PRR27: variants seen among roughly 807,000 people sequenced by gnomAD.
PRR27 encodes proline-rich protein 27.
Under a neutral mutation model 16.8 loss-of-function variants are expected in PRR27, and 12 were observed. The observed-to-expected ratio is 0.71, with a 90% CI of 0.46 to 1.16. The LOEUF (loss-of-function observed/expected upper bound fraction) is 1.16, where lower values mean the gene tolerates loss of function less well. Among genes scored for constraint, PRR27 ranks in the 50% most tolerant of loss-of-function variants. The pLI, the probability that PRR27 is intolerant of heterozygous loss-of-function variation, is 0.00. For synonymous variants in PRR27, 100 were observed against 98.4 expected, an observed-to-expected ratio of 1.02 and a Z score of -0.10; for missense variants, 277 against 273.3, an observed-to-expected ratio of 1.01 and a Z score of -0.10.
chr4:70,165,633 T>G lies in PRR27; in HGVS notation c.*2972T>G, dbSNP rs558547928. The G allele has an allele frequency of 1.4e-3, 206 of 152,242 alleles. 2 individuals are homozygous for G. The highest frequency in any genetic ancestry group is 4.7e-3 in the African/African-American group (194 of 41,566). The allele number at this position is 152,242 out of a possible 1,614,324, so 9.4% of individuals were successfully genotyped here. On this transcript the variant is annotated 3_prime_UTR_variant, in exon 5 of 5. Transcript: ENST00000344526. ...CTGCGAAATTATTTTGAGTCATATC[T>G]TTTGATCGATATTAAGATACATTTG...
In PRR27 at chr4:70,162,972, G is replaced by A. The variant is rs1728680442; in HGVS notation, c.*311G>A. ...GAGTCTGATTATACAGCTACTATAG[G>A]ATGATGTTAGTATTGGTTTTGAGTG... is the stretch of plus-strand genomic sequence containing the variant. On this transcript the variant is annotated 3_prime_UTR_variant, in exon 5 of 5. Coordinates refer to ENST00000344526, the MANE Select transcript of PRR27 (RefSeq NM_214711.4). 1 of 152,154 alleles carries A rather than the reference G, an allele frequency of 6.6e-6. No homozygotes were observed. Among genetic ancestry groups the A allele is most frequent in the Non-Finnish European group, 1.5e-5 (1 of 68,028 alleles). 9.4% of individuals were successfully genotyped at this position (152,154 alleles called of 1,614,324 possible).
At chr4:70,158,207 G>GA in intron 2 of PRR27, 121 bp from the exon 3 acceptor site, 1 of 693,514 alleles carries the variant, frequency 1.4e-6, no homozygotes, top group South Asian at 2.0e-5. Flanking sequence ...ACTTAAGAAA[G>GA]ATAAGACATT....
In PRR27 at chr4:70,159,475, A is replaced by G. The variant is rs115099282; in HGVS notation, c.648+575A>G. 3.5e-3 allele frequency among the ~76,000 whole-genome samples: 530 copies of G among 152,296 alleles called. 5 individuals are homozygous for G. The highest frequency in any genetic ancestry group is 0.012 in the African/African-American group (499 of 41,540). ...GGCTTAAACATCCAGTACAATGTCAAATAAAAGTGATTAGATGGACATCCC... is the reference window on the plus strand; with the variant it reads ...GGCTTAAACATCCAGTACAATGTCAGATAAAAGTGATTAGATGGACATCCC... On this transcript the variant is annotated intron_variant, in intron 3 of 4. Transcript: ENST00000344526.
rs1728545369 is a variant in PRR27 at position 70,158,465 on chromosome 4, G to A, written c.213G>A (p.Gly71=). The part of the protein sequence containing the change: ...SYPGNTYTDT[G]LPSYPWILTS... ...CTGGGAATACTTACACTGACACAGG[G>A]TTACCTTCGTATCCCTGGATTCTAA... is the stretch of plus-strand genomic sequence containing the variant. The change falls in exon 3 of 5, where the codon GGG becomes GGA. Residue 71 remains glycine (G), a synonymous_variant. Coordinates refer to ENST00000344526, the MANE Select transcript of PRR27 (RefSeq NM_214711.4). 1 of 1,614,104 alleles carries A rather than the reference G, an allele frequency of 6.2e-7. No homozygotes were observed. The highest frequency in any genetic ancestry group is 1.6e-4 in the Middle Eastern group (1 of 6,062).
At chr4:70,155,649 G>A (rs1197628828) in intron 1 of PRR27, among the ~76,000 whole-genome samples, 1 of 152,068 alleles carries the variant, frequency 6.6e-6, no homozygotes, top group Admixed American at 6.6e-5. Context: ...TTACAGGCGT[G>A]AGCCATTGCG....
In PRR27 at chr4:70,166,045, G is replaced by A. The variant is rs1316489676; in HGVS notation, c.*3384G>A. 4 of 151,904 alleles carry A rather than the reference G, an allele frequency of 2.6e-5. No homozygotes were observed. The highest frequency in any genetic ancestry group is 9.7e-5 in the African/African-American group (4 of 41,356). 9.4% of individuals were successfully genotyped at this position (151,904 alleles called of 1,614,324 possible). On this transcript the variant is annotated 3_prime_UTR_variant, in exon 5 of 5. Coordinates refer to ENST00000344526, the MANE Select transcript of PRR27 (RefSeq NM_214711.4). ...CTTAATATATAAAAGAGTTTTATGA[G>A]TTTTAAAAATGTATATAAACAAGAC...
intron 3 of PRR27, among the ~76,000 whole-genome samples, chr4:70,161,189 C>CAT (rs1303526626): frequency 8.2e-5 from 5 of 60,972 alleles, no homozygotes; most frequent in African/African-American, 1.9e-4. Context: ...TACACACATA[C>CAT]ATATATATAC....
Position 70,165,792 on chromosome 4 carries a change from C to T in PRR27, c.*3131C>T, listed in dbSNP as rs1423318735. 6.6e-6 allele frequency: 1 copy of T among 152,106 alleles called. No individual in the cohort carries two copies. Among genetic ancestry groups the T allele is most frequent in the African/African-American group, 2.4e-5 (1 of 41,434 alleles). 9.4% of individuals were successfully genotyped at this position (152,106 alleles called of 1,614,324 possible). On this transcript the variant is annotated 3_prime_UTR_variant, in exon 5 of 5. Transcript: ENST00000344526. ...GATTCTTATTCAGTGCTACTTTCTA[C>T]AGACAGGTAACTATTCGCATTTACG...
Position 70,166,461 on chromosome 4 carries a change from G to T in PRR27, c.*3800G>T, listed in dbSNP as rs895438797. ...ACTATTTTCCACCAATATCACAATG[G>T]ATAATCTTTTTTAAATGACTACATA... On this transcript the variant is annotated 3_prime_UTR_variant, in exon 5 of 5. Coordinates refer to ENST00000344526, the MANE Select transcript of PRR27 (RefSeq NM_214711.4). 1 of 151,920 alleles carries T rather than the reference G, an allele frequency of 6.6e-6. No individual in the cohort carries two copies. Among genetic ancestry groups the T allele is most frequent in the Non-Finnish European group, 1.5e-5 (1 of 67,922 alleles). 9.4% of individuals were successfully genotyped at this position (151,920 alleles called of 1,614,324 possible).
intron 3 of PRR27, among the ~76,000 whole-genome samples, chr4:70,159,911 A>G (rs1233535044): frequency 1.3e-5 from 2 of 152,074 alleles, no homozygotes; most frequent in Admixed American, 1.3e-4. Flanking sequence ...CCTAGTACCA[A>G]TTGTGAGTAC....
chr4:70,154,988 T>C (rs998334397), intron 1 of PRR27, among the ~76,000 whole-genome samples: 16 of 152,160 alleles, frequency 1.1e-4, no homozygotes, highest in Non-Finnish European at 1.9e-4. Flanking sequence ...TATCTTTTTT[T>C]AAATGGAGAA....
At chr4:70,161,732 A>C (rs962365461) in intron 4 of PRR27, 102 bp downstream of exon 4, 3 of 506,158 alleles carry the variant, frequency 5.9e-6, no homozygotes, top group African/African-American at 2.0e-5. Flanking sequence ...TACTACATGA[A>C]AATGAGAAAG....
At chr4:70,162,390 A>G (rs1169276986) in intron 4 of PRR27, among the ~76,000 whole-genome samples, 1 of 152,164 alleles carries the variant, frequency 6.6e-6, no homozygotes, top group African/African-American at 2.4e-5. Context: ...AAACTAAAAG[A>G]TATCCATTTT....
Position 70,156,094 on chromosome 4 carries a change from T to C in PRR27, c.75+17T>C, listed in dbSNP as rs1267575225. ...ATTGGTGAGGTAAAACTTTTTTTTC[T>C]TTACACGCAAGTATATTTGTTTTTA... On this transcript the variant is annotated intron_variant, in intron 2 of 4. Transcript: ENST00000344526. 2.2e-6 allele frequency: 3 copies of C among 1,355,088 alleles called. No individual in the cohort carries two copies. Among genetic ancestry groups the C allele is most frequent in the Non-Finnish European group, 3.0e-6 (3 of 1,005,328 alleles). The allele number at this position is 1,355,088 out of a possible 1,614,324, so 83.9% of individuals were successfully genotyped here. A position where few individuals can be genotyped will look rare whatever the true frequency, so the allele number is the denominator to read the frequency against.
intron 1 of PRR27, 110 bp from the exon 2 acceptor site, chr4:70,155,944 A>G: frequency 1.5e-6 from 1 of 661,044 alleles, no homozygotes; most frequent in South Asian, 1.9e-5. Flanking sequence ...TTTCAAAAAA[A>G]TTAACCATAA....
At chr4:70,158,198 CTT>C in intron 2 of PRR27, 128 bp from the exon 3 acceptor site, 1 of 662,848 alleles carries the variant, frequency 1.5e-6, no homozygotes, top group Non-Finnish European at 2.6e-6. Flanking sequence ...GTACACTAGA[CTT>C]AAGAAAGATA....
In PRR27 at chr4:70,166,174, T is replaced by C. The variant is rs1384631141; in HGVS notation, c.*3513T>C. ...AATGTATTCATAGTTTCACTTTAAT[T>C]GATGTTTGCCATGAAAGATCAAATA... On this transcript the variant is annotated 3_prime_UTR_variant, in exon 5 of 5. Transcript: ENST00000344526. 6.6e-6 allele frequency: 1 copy of C among 152,088 alleles called. No individual in the cohort carries two copies. Among genetic ancestry groups the C allele is most frequent in the Non-Finnish European group, 1.5e-5 (1 of 67,944 alleles). 9.4% of individuals were successfully genotyped at this position (152,088 alleles called of 1,614,324 possible).
At position 70,165,526 on chromosome 4, in the gene PRR27, T is replaced by A. The variant is rs369376540; in HGVS notation, c.*2865T>A. The A allele has an allele frequency of 1.1e-4, 16 of 152,200 alleles. No individual in the cohort carries two copies. In the East Asian group the frequency reaches 3.1e-3, roughly 29 times the overall value. 9.4% of individuals were successfully genotyped at this position (152,200 alleles called of 1,614,324 possible). A position where few individuals can be genotyped will look rare whatever the true frequency, so the allele number is the denominator to read the frequency against. On this transcript the variant is annotated 3_prime_UTR_variant, in exon 5 of 5. Coordinates refer to ENST00000344526, the MANE Select transcript of PRR27 (RefSeq NM_214711.4). ...GGGTAATTCATTCTACTTTTAAAAA[T>A]GATTTTTCCACCTCTAATGTATTCT... is the stretch of plus-strand genomic sequence containing the variant.
chr4:70,155,572 G>T (rs1467341465), intron 1 of PRR27, among the ~76,000 whole-genome samples: 3 of 152,100 alleles, frequency 2.0e-5, no homozygotes, highest in Non-Finnish European at 4.4e-5. Context: ...GTTTCACCGT[G>T]TTAGCCAGGA....
Sources: gnomAD v4.1 joint callset for allele counts (sites outside exome capture counted in the v4.1 genomes callset) on GRCh38, gnomAD v4.1.1 for gene constraint, MANE v1.5 for transcripts, NCBI Gene and HGNC (gene_info 2026-07-23, HGNC 2026-07-21) for gene names.